Variants in NXPE2 observed in about 807,000 individuals in gnomAD.
NXPE2 encodes the protein neurexophilin and PC-esterase domain family member 2, also known as NXPE family member 2.
A neutral mutation model predicts 34.4 loss-of-function variants in NXPE2; 34 were observed. The ratio of observed to expected loss-of-function variants is 0.99; its 90% confidence interval spans 0.75 to 1.31. NXPE2 has a LOEUF of 1.31. Among genes scored for constraint, NXPE2 ranks in the 40% most tolerant of loss-of-function variants. The pLI, the probability that NXPE2 is intolerant of heterozygous loss-of-function variation, is 0.00. For synonymous variants in NXPE2, 235 were observed against 231.3 expected (o/e 1.02, Z -0.15); for missense variants, 649 against 672.5 (o/e 0.97, Z 0.39).
chr11:114,639,314 G>A, the NXPE2 span, among the ~76,000 whole-genome samples: 27,471 of 151,956 alleles, frequency 0.18, 2,953 homozygotes, highest in Non-Finnish European at 0.22. Context: ...CCTTAAGCCC[G>A]TCGGAAAAGT....
the NXPE2 span, among the ~76,000 whole-genome samples, chr11:114,715,792 C>A: frequency 1.2e-3 from 179 of 152,172 alleles, no homozygotes; most frequent in African/African-American, 4.2e-3. Flanking sequence ...GCTTCTGAGC[C>A]CTTCATAGAT....
the NXPE2 span, among the ~76,000 whole-genome samples, chr11:114,559,564 G>A: frequency 5.3e-5 from 8 of 151,894 alleles, no homozygotes; most frequent in South Asian, 4.2e-4. Context: ...CTGTCTCACC[G>A]TCAAAACCAG....
rs118134956 is a variant in NXPE2 at position 114,706,845 on chromosome 11, C to A, written c.1595C>A (p.Thr532Lys). The A allele has an allele frequency of 1.3e-6, 2 of 1,551,874 alleles. No homozygotes were observed. The highest frequency in any genetic ancestry group is 1.7e-6 in the Non-Finnish European group (2 of 1,146,810). ...GGTATTATTGATGCCTGGGACATGA[C>A]GATTGCATATTGCACCAACAATGCC... is the stretch of plus-strand genomic sequence containing the variant. The part of the protein sequence containing the change: ...NVGIIDAWDM[T>K]IAYCTNNAHP... Residue 532 changes from threonine to lysine, a missense_variant, in exon 6 of 6, where the codon ACG (threonine) becomes AAG (lysine). Coordinates refer to ENST00000389586, the MANE Select transcript of NXPE2 (RefSeq NM_182495.6).
the NXPE2 span, among the ~76,000 whole-genome samples, chr11:114,467,017 C>T: frequency 6.6e-6 from 1 of 152,146 alleles, no homozygotes; most frequent in Non-Finnish European, 1.5e-5. Context: ...AATATAATCT[C>T]CTTTATGATA....
the NXPE2 span, among the ~76,000 whole-genome samples, chr11:114,624,277 G>A: frequency 5.3e-4 from 81 of 151,820 alleles, no homozygotes; most frequent in East Asian, 2.1e-3. Flanking sequence ...ATATTGCCTC[G>A]TGAGTAACCA....
At chr11:114,578,587 C>T in the NXPE2 span, among the ~76,000 whole-genome samples, 1 of 152,144 alleles carries the variant, frequency 6.6e-6, no homozygotes, top group Admixed American at 6.5e-5. Flanking sequence ...TACCAATTTT[C>T]CCACTTTCAT....
chr11:114,791,816 G>C, the NXPE2 span, among the ~76,000 whole-genome samples: 3 of 152,186 alleles, frequency 2.0e-5, no homozygotes, highest in Non-Finnish European at 4.4e-5. Flanking sequence ...CAGCACTTTG[G>C]GAGGCCGAGG....
At chr11:114,767,110 A>G in the NXPE2 span, among the ~76,000 whole-genome samples, 1 of 152,190 alleles carries the variant, frequency 6.6e-6, no homozygotes, top group African/African-American at 2.4e-5. Flanking sequence ...ATTATGACAC[A>G]GTTAACTTAT....
At chr11:114,635,846 G>A in the NXPE2 span, among the ~76,000 whole-genome samples, 1 of 152,072 alleles carries the variant, frequency 6.6e-6, no homozygotes. Flanking sequence ...GCTTTTTGAT[G>A]TGTTGCTGTA....
At chr11:114,705,167 G>A (rs1951447461) in intron 4 of NXPE2, among the ~76,000 whole-genome samples, 1 of 152,168 alleles carries the variant, frequency 6.6e-6, no homozygotes, top group South Asian at 2.1e-4. Context: ...TTTAATAGAG[G>A]AGTGTTCAGA....
the NXPE2 span, among the ~76,000 whole-genome samples, chr11:114,608,554 G>T: frequency 6.6e-6 from 1 of 151,406 alleles, no homozygotes; most frequent in Non-Finnish European, 1.5e-5. Context: ...AATAATTGTT[G>T]CATCGTGTGT....
chr11:114,708,746 G>T (rs1162872143), downstream of NXPE2, among the ~76,000 whole-genome samples: 1 of 152,138 alleles, frequency 6.6e-6, no homozygotes, highest in Non-Finnish European at 1.5e-5. Context: ...TTTCTTCCTT[G>T]TATCAAGCTA....
chr11:114,582,171 A>G, the NXPE2 span: 3 of 1,078,294 alleles, frequency 2.8e-6, no homozygotes, highest in South Asian at 3.5e-5. Flanking sequence ...TCCTTTCCCC[A>G]AAGGCTCTTA....
At chr11:114,639,290 C>G in the NXPE2 span, among the ~76,000 whole-genome samples, 4 of 152,204 alleles carry the variant, frequency 2.6e-5, no homozygotes, top group African/African-American at 9.6e-5. Flanking sequence ...GATATAATCT[C>G]CTGGTGCACC....
At chr11:114,657,952 CA>C in the NXPE2 span, among the ~76,000 whole-genome samples, 1 of 152,120 alleles carries the variant, frequency 6.6e-6, no homozygotes, top group Non-Finnish European at 1.5e-5. Flanking sequence ...CTATTAATGC[CA>C]AATCAGTTAG....
the NXPE2 span, among the ~76,000 whole-genome samples, chr11:114,755,140 G>C: frequency 4.6e-5 from 7 of 152,254 alleles, no homozygotes; most frequent in South Asian, 8.3e-4. Flanking sequence ...CTATGAAGAG[G>C]AGCAGAAAAA....
chr11:114,625,694 G>T, the NXPE2 span, among the ~76,000 whole-genome samples: 1 of 152,152 alleles, frequency 6.6e-6, no homozygotes, highest in African/African-American at 2.4e-5. Flanking sequence ...AGTAGGAACA[G>T]CCCCGGTCTA....
At chr11:114,496,356 C>A in the NXPE2 span, among the ~76,000 whole-genome samples, 1 of 152,134 alleles carries the variant, frequency 6.6e-6, no homozygotes, top group Non-Finnish European at 1.5e-5. Flanking sequence ...ACAGATTTTC[C>A]CTCTATGCCA....
chr11:114,470,512 G>T, the NXPE2 span, among the ~76,000 whole-genome samples: 1 of 151,838 alleles, frequency 6.6e-6, no homozygotes. Context: ...TTGGTGATAT[G>T]TCTGTCCAGA....
Sources: gnomAD v4.1 joint callset for allele counts (sites outside exome capture counted in the v4.1 genomes callset) on GRCh38, gnomAD v4.1.1 for gene constraint, MANE v1.5 for transcripts, NCBI Gene and HGNC (gene_info 2026-07-23, HGNC 2026-07-21) for gene names.